TIPARP: variants seen among roughly 807,000 people sequenced by gnomAD.
The protein encoded by TIPARP is TCDD inducible poly(ADP-ribose) polymerase.
TIPARP carries 12 observed loss-of-function variants against 56.5 expected under a neutral mutation model. The ratio of observed to expected loss-of-function variants is 0.21; its 90% CI spans 0.14 to 0.34. The LOEUF (loss-of-function observed/expected upper bound fraction) is 0.34, where lower values mean the gene tolerates loss of function less well. Among genes scored for constraint, TIPARP ranks in the 10% least tolerant of loss-of-function variants. The probability of loss-of-function intolerance (pLI) is 1.00; values close to 1 mark genes in which losing one functional copy is unlikely to be tolerated. For synonymous variants in TIPARP, 296 were observed against 265.7 expected, an observed-to-expected ratio of 1.11 and a Z score of -1.11; for missense variants, 604 against 781.6, an observed-to-expected ratio of 0.77 and a Z score of 2.71.
At chr3:156,683,597 T>A (rs1279058319) in intron 2 of TIPARP, among the ~76,000 whole-genome samples, 1 of 152,210 alleles carries the variant, frequency 6.6e-6, no homozygotes, top group Non-Finnish European at 1.5e-5. Context: ...TTTTGACTGA[T>A]AACTCTGTTG....
rs755720358 is a variant in TIPARP at position 156,678,146 on chromosome 3, C to T, written c.449C>T (p.Thr150Met). ...TTTCCATCAGAAACCCTCAGTGGGACGGTGGCAGATTCCACACCAGCTCAC... is the reference window on the plus strand; with the variant it reads ...TTTCCATCAGAAACCCTCAGTGGGATGGTGGCAGATTCCACACCAGCTCAC... ...HSFPSETLSGTVADSTPAHFQ... is the reference protein window; with the variant it reads ...HSFPSETLSGMVADSTPAHFQ... The change falls in exon 2 of 6, where the codon ACG becomes ATG. Residue 150 changes from threonine to methionine, a missense_variant. This residue lies in a region of TIPARP where 261 missense variants were observed against 279.2 expected (regional missense o/e 0.93). Transcript: ENST00000295924. The T allele has an allele frequency of 3.7e-6, 6 of 1,614,072 alleles. No homozygotes were observed. Among genetic ancestry groups the T allele is most frequent in the South Asian group, 1.1e-5 (1 of 91,088 alleles).
chr3:156,684,059 G>A (rs1310758851), intron 2 of TIPARP, among the ~76,000 whole-genome samples: 1 of 152,140 alleles, frequency 6.6e-6, no homozygotes, highest in African/African-American at 2.4e-5. Flanking sequence ...GGAAAACTTA[G>A]TACATGTGTA....
chr3:156,690,303 T>C (rs1205081107), intron 2 of TIPARP, among the ~76,000 whole-genome samples: 1 of 152,182 alleles, frequency 6.6e-6, no homozygotes, highest in Non-Finnish European at 1.5e-5. Flanking sequence ...CCTTTTTACT[T>C]TCTTTTCAGG....
chr3:156,693,947 T>C, intron 2 of TIPARP, 73 bp from the exon 3 acceptor site: 1 of 1,451,696 alleles, frequency 6.9e-7, no homozygotes, highest in Non-Finnish European at 9.2e-7. Flanking sequence ...TGTCCAATGA[T>C]ATTTTTAGAT....
rs1368375179 is a variant in TIPARP at position 156,705,768 on chromosome 3, A to C, written c.*637A>C. 6.6e-6 allele frequency: 1 copy of C among 152,666 alleles called. No homozygotes were observed. Among genetic ancestry groups the C allele is most frequent in the African/African-American group, 2.4e-5 (1 of 41,462 alleles). 9.5% of individuals were successfully genotyped at this position (152,666 alleles called of 1,614,324 possible). Reference sequence around the variant, plus strand: ...TAGAGGAAGTTAAAACAACAACAAAAAACAACCATTTGAAAAATTTTTGTC... The same window carrying C: ...TAGAGGAAGTTAAAACAACAACAAACAACAACCATTTGAAAAATTTTTGTC... On this transcript the variant is annotated 3_prime_UTR_variant, in exon 6 of 6. Coordinates refer to ENST00000295924, the MANE Select transcript of TIPARP (RefSeq NM_015508.5).
chr3:156,679,083 C>CT (rs1722225801), intron 2 of TIPARP, among the ~76,000 whole-genome samples: 1 of 152,144 alleles, frequency 6.6e-6, no homozygotes, highest in Non-Finnish European at 1.5e-5. Context: ...GTATAAACAT[C>CT]TTTTCTGTGA....
At position 156,694,041 on chromosome 3, in the gene TIPARP, T is replaced by G. The variant is rs1173472969; in HGVS notation, c.939T>G (p.Asp313Glu). The part of the protein sequence containing the change: ...MKYGGQEFWA[D>E]LNAMNVYETT... ...TTAGAGGACAAGAATTTTGGGCAGA[T>G]TTGAATGCCATGAACGTGTATGAAA... The change falls in exon 3 of 6, where the codon GAT becomes GAG. Residue 313 changes from aspartate to glutamate, a missense_variant. By Grantham distance (45) the Asp-to-Glu change is conservative (BLOSUM62 2). This residue lies in a region of TIPARP where 252 missense variants were observed against 303.9 expected (regional missense o/e 0.83). Transcript: ENST00000295924. 1.9e-6 allele frequency: 3 copies of G among 1,603,328 alleles called. No homozygotes were observed. In the South Asian group the frequency reaches 3.4e-5, roughly 18 times the overall value.
chr3:156,698,666 T>G (rs1044354390), intron 4 of TIPARP, among the ~76,000 whole-genome samples: 2 of 152,244 alleles, frequency 1.3e-5, no homozygotes, highest in African/African-American at 4.8e-5. Context: ...CCAAGAGCTC[T>G]AATGGAGATG....
chr3:156,675,668 C>T (rs1172143117), intron 1 of TIPARP: 1 of 152,312 alleles, frequency 6.6e-6, no homozygotes, highest in Non-Finnish European at 1.5e-5. Context: ...TCACTCGGAC[C>T]CGGGCTCGGC....
At chr3:156,678,705 A>G in intron 2 of TIPARP, 91 bp downstream of exon 2, 1 of 1,147,624 alleles carries the variant, frequency 8.7e-7, no homozygotes, top group East Asian at 2.5e-5. Context: ...TTCTTTCAGT[A>G]GTAACAGGTT....
At chr3:156,693,994 T>C in intron 2 of TIPARP, 26 bp from the exon 3 acceptor site, 1 of 1,560,300 alleles carries the variant, frequency 6.4e-7, no homozygotes, top group Non-Finnish European at 8.6e-7. Context: ...GGTTTTTGGG[T>C]TTTTTTTGTT....
chr3:156,685,835 C>T (rs374198019), intron 2 of TIPARP, among the ~76,000 whole-genome samples: 228 of 152,332 alleles, frequency 1.5e-3, no homozygotes, highest in African/African-American at 5.1e-3. Context: ...GTGAACTTTG[C>T]TTGCAGTAGT....
chr3:156,691,461 C>T (rs560628210), intron 2 of TIPARP, among the ~76,000 whole-genome samples: 8 of 152,244 alleles, frequency 5.3e-5, no homozygotes, highest in African/African-American at 1.9e-4. Flanking sequence ...CCTTTCTTAA[C>T]GCCCCTGGAA....
At chr3:156,696,084 A>G (rs1212822351) in intron 4 of TIPARP, 59 bp downstream of exon 4, 53 of 1,530,792 alleles carry the variant, frequency 3.5e-5, no homozygotes, top group Non-Finnish European at 4.5e-5. Flanking sequence ...TGCATTCCTG[A>G]ATACTAGAGA....
At chr3:156,678,773 G>A (rs1338742142) in intron 2 of TIPARP, among the ~76,000 whole-genome samples, 159 bp downstream of exon 2, 1 of 151,432 alleles carries the variant, frequency 6.6e-6, no homozygotes, top group African/African-American at 2.5e-5. Context: ...CATGGTGGGT[G>A]AATGCAGGCT....
rs373780897 is a variant in TIPARP, at chr3:156,696,036, A to C, written c.1247+11A>C. 3.8e-6 allele frequency: 6 copies of C among 1,599,890 alleles called. No individual in the cohort carries two copies. The African/African-American group carries it at 5.4e-5, about 14-fold the overall frequency. ...GCTTCCATATTTACAGTAAGTGTCG[A>C]GTATGAAGTTGCAATATTTACTCTC... On this transcript the variant is annotated intron_variant, in intron 4 of 5. Transcript: ENST00000295924.
Position 156,694,009 on chromosome 3 carries a change from T to A in TIPARP, c.918-11T>A. On this transcript the variant is annotated splice_polypyrimidine_tract_variant and intron_variant, in intron 2 of 5. Coordinates refer to ENST00000295924, the MANE Select transcript of TIPARP (RefSeq NM_015508.5). Reference sequence around the variant, plus strand: ...GGTTTTTGGGTTTTTTTTGTTTTTGTTTTTTTTTAGAGGACAAGAATTTTG... The same window carrying A: ...GGTTTTTGGGTTTTTTTTGTTTTTGATTTTTTTTAGAGGACAAGAATTTTG... 6.4e-7 allele frequency: 1 copy of A among 1,551,638 alleles called. No individual in the cohort carries two copies. The highest frequency in any genetic ancestry group is 2.3e-5 in the East Asian group (1 of 43,686).
At chr3:156,685,718 G>T (rs1241084198) in intron 2 of TIPARP, among the ~76,000 whole-genome samples, 1 of 152,148 alleles carries the variant, frequency 6.6e-6, no homozygotes, top group African/African-American at 2.4e-5. Context: ...TTCTTAAATT[G>T]TCCCACTTAT....
chr3:156,690,641 A>C (rs1419488950), intron 2 of TIPARP, among the ~76,000 whole-genome samples: 5 of 152,158 alleles, frequency 3.3e-5, no homozygotes, highest in Non-Finnish European at 2.9e-5. Context: ...AAAAATCAGC[A>C]GTCTGTTCAC....
Sources: allele counts gnomAD v4.1 joint callset (sites outside exome capture counted in the v4.1 genomes callset), GRCh38; gene constraint gnomAD v4.1.1; regional missense constraint gnomAD v4.1.1; transcripts MANE v1.5; gene names NCBI Gene and HGNC (gene_info 2026-07-23, HGNC 2026-07-21).